The following SOBP variants were observed in gnomAD, a reference collection of about 807,000 sequenced individuals.
The protein encoded by SOBP is sine oculis binding protein homolog.
SOBP carries 4 observed loss-of-function variants against 53.6 expected under a neutral mutation model. The observed-to-expected ratio is 0.07, with a 90% CI of 0.04 to 0.17. SOBP has a LOEUF of 0.17. Ranked by LOEUF, SOBP falls within the 10% of genes least tolerant of loss-of-function variation. The pLI is 1.00. For missense variants in SOBP, 1,088 were observed against 1,204.7 expected (o/e 0.90, Z 1.43); for synonymous variants, 584 against 522.6 (o/e 1.12, Z -1.60).
chr6:107,656,019 A>G lies in SOBP; in HGVS notation c.*4-2188A>G, dbSNP rs555970831. 2.0e-5 allele frequency among the ~76,000 whole-genome samples: 3 copies of G among 152,316 alleles called. No individual in the cohort carries two copies. The South Asian group carries it at 6.2e-4, about 32-fold the overall frequency. ...TCTCCCTCCTCCCTTTTAAAGAAAG[A>G]AGGAGGCCCCCTCTAACTACAAGAT... On this transcript the variant is annotated intron_variant, in intron 6 of 6. Transcript: ENST00000317357.
At chr6:107,510,651 A>G (rs543198028) in intron 3 of SOBP, 1 of 152,348 alleles carries the variant, frequency 6.6e-6, no homozygotes, top group African/African-American at 2.4e-5. Context: ...ACTTCCATCT[A>G]GTGAATCATT....
chr6:107,641,222 A>G (rs1348565275), intron 6 of SOBP, among the ~76,000 whole-genome samples: 1 of 152,244 alleles, frequency 6.6e-6, no homozygotes, highest in African/African-American at 2.4e-5. Context: ...CTGTGGGCCT[A>G]ATATTGCAGA....
Position 107,633,534 on chromosome 6 carries a change from C to T in SOBP, c.690C>T (p.His230=), listed in dbSNP as rs1770811261. The part of the protein sequence containing the change: ...CELLVCDWCK[H]IRHTKEYLDF... ...TGTAGGTATGTGACTGGTGTAAGCA[C>T]ATAAGACACACAAAAGAATACCTGG... The change falls in exon 6 of 7, where the codon CAC becomes CAT. Residue 230 remains histidine, a synonymous_variant. Transcript: ENST00000317357. 6.2e-7 allele frequency: 1 copy of T among 1,614,150 alleles called. No individual in the cohort carries two copies. Among genetic ancestry groups the T allele is most frequent in the Non-Finnish European group, 8.5e-7 (1 of 1,180,024 alleles).
intron 4 of SOBP, among the ~76,000 whole-genome samples, chr6:107,550,421 C>CCACTTACGCATTTATT (rs1784429537): frequency 6.6e-6 from 1 of 152,190 alleles, no homozygotes; most frequent in African/African-American, 2.4e-5. Context: ...ACACATTTAT[C>CCACTTACGCATTTATT]CACTTACGCA....
intron 4 of SOBP, among the ~76,000 whole-genome samples, chr6:107,577,258 C>T (rs1421381829): frequency 2.0e-5 from 3 of 152,236 alleles, no homozygotes; most frequent in Non-Finnish European, 4.4e-5. Flanking sequence ...TTTGTGCTCC[C>T]ACCAACTTGA....
At chr6:107,544,395 G>C in intron 4 of SOBP, among the ~76,000 whole-genome samples, 1 of 152,188 alleles carries the variant, frequency 6.6e-6, no homozygotes, top group Non-Finnish European at 1.5e-5. Flanking sequence ...ACAAAACCTG[G>C]TCCTTGCTCT....
chr6:107,635,078 C>G lies in SOBP; in HGVS notation c.2234C>G (p.Pro745Arg), dbSNP rs757634793. 8 of 1,442,560 alleles carry G rather than the reference C, an allele frequency of 5.5e-6. No individual in the cohort carries two copies. The highest frequency in any genetic ancestry group is 1.9e-4 in the Middle Eastern group (1 of 5,400). 89.4% of individuals were successfully genotyped at this position (1,442,560 alleles called of 1,614,324 possible). ...AKSAEPPPEQ[P>R]PPPPPPAPPK... ...AGCGCGGAGCCGCCTCCCGAGCAGC[C>G]GCCGCCGCCGCCGCCGCCCGCGCCC... The change falls in exon 6 of 7, where the codon CCG (proline) becomes CGG (arginine). Residue 745 changes from proline to arginine, a missense_variant. Pro to Arg is a moderately radical substitution (Grantham distance 103). This residue lies in a region of SOBP where 665 missense variants were observed against 629.7 expected (regional missense o/e 1.06). Coordinates refer to ENST00000317357, the MANE Select transcript of SOBP (RefSeq NM_018013.4). The surrounding 1 kb of genome is among the most constrained non-coding windows in gnomAD (Gnocchi z 4.5).
intron 4 of SOBP, among the ~76,000 whole-genome samples, chr6:107,548,994 G>A (rs561099904): frequency 2.8e-4 from 43 of 152,154 alleles, no homozygotes; most frequent in Non-Finnish European, 4.3e-4. Context: ...CCGGCCGGGC[G>A]CAGTGGCTCA....
intron 5 of SOBP, among the ~76,000 whole-genome samples, chr6:107,596,225 G>A (rs9486654): frequency 0.089 from 13,509 of 151,832 alleles, 711 homozygotes; most frequent in East Asian, 0.17. Flanking sequence ...TCAGAAATGG[G>A]AGTCATATAT....
intron 1 of SOBP, among the ~76,000 whole-genome samples, chr6:107,494,054 A>G (rs961147979): frequency 2.0e-5 from 3 of 152,234 alleles, no homozygotes; most frequent in Non-Finnish European, 4.4e-5. Context: ...TTGTCTCACT[A>G]TGACCTTTAC....
intron 5 of SOBP, among the ~76,000 whole-genome samples, chr6:107,621,606 C>T (rs757234673): frequency 2.8e-4 from 43 of 152,228 alleles, no homozygotes; most frequent in Admixed American, 6.5e-5. Flanking sequence ...ATTATTCCTT[C>T]TCCCCAGGTT....
intron 5 of SOBP, among the ~76,000 whole-genome samples, chr6:107,599,697 A>C (rs907537318): frequency 2.0e-5 from 3 of 151,716 alleles, no homozygotes; most frequent in African/African-American, 7.3e-5. Flanking sequence ...ACCATTTAAA[A>C]TCCTGACTTT....
chr6:107,499,391 G>A (rs1385193796), intron 1 of SOBP, among the ~76,000 whole-genome samples: 2 of 152,174 alleles, frequency 1.3e-5, no homozygotes, highest in Non-Finnish European at 2.9e-5. Context: ...AGAATTAAAA[G>A]ATATAGAAAC....
chr6:107,639,234 A>C (rs1771201821), intron 6 of SOBP, among the ~76,000 whole-genome samples: 2 of 152,254 alleles, frequency 1.3e-5, no homozygotes, highest in Admixed American at 6.5e-5. Flanking sequence ...CATTTAAAAT[A>C]GATCAAAAGC....
In SOBP at chr6:107,498,284, G is replaced by T. The variant is rs576218319; in HGVS notation, c.97-5373G>T. Among the ~76,000 whole-genome samples, 4 of 152,280 alleles carry T rather than the reference G, an allele frequency of 2.6e-5. No individual in the cohort carries two copies. The South Asian group carries it at 8.3e-4, about 32-fold the overall frequency. ...CTTGCCCCTCATTGGGTGAGTGATT[G>T]GGGGCTCTTTGAATACTTCCTGCTG... On this transcript the variant is annotated intron_variant, in intron 1 of 6. Coordinates refer to ENST00000317357, the MANE Select transcript of SOBP (RefSeq NM_018013.4).
At chr6:107,552,087 G>C (rs1036693336) in intron 4 of SOBP, among the ~76,000 whole-genome samples, 1 of 152,156 alleles carries the variant, frequency 6.6e-6, no homozygotes, top group African/African-American at 2.4e-5. Context: ...AAAATAGTAG[G>C]TAAATAGGTA....
At chr6:107,570,943 C>G (rs1198011624) in intron 4 of SOBP, among the ~76,000 whole-genome samples, 2 of 152,166 alleles carry the variant, frequency 1.3e-5, no homozygotes, top group South Asian at 2.1e-4. Context: ...TTCGTGAATG[C>G]GAAGGGATTT....
rs147023733 is a variant in SOBP, at chr6:107,661,160, C to A, written c.*2957C>A. Among the ~76,000 whole-genome samples, 2 of 152,308 alleles carry A rather than the reference C, an allele frequency of 1.3e-5. No individual in the cohort carries two copies. The highest frequency in any genetic ancestry group is 3.9e-4 in the East Asian group (2 of 5,178). ...TTGACCCTTCTGGAAACAAAAGGTA[C>A]CTTTGTTCCAGCATAGAAAGATTCT... On this transcript the variant is annotated 3_prime_UTR_variant, in exon 7 of 7. Transcript: ENST00000317357.
intron 5 of SOBP, among the ~76,000 whole-genome samples, chr6:107,606,695 G>A (rs1408976842): frequency 1.3e-5 from 2 of 152,192 alleles, no homozygotes; most frequent in African/African-American, 4.8e-5. Flanking sequence ...GTCTGGGTGG[G>A]GGATAGGGCG....
Sources: gnomAD v4.1 joint callset for allele counts (sites outside exome capture counted in the v4.1 genomes callset) on GRCh38, gnomAD v4.1.1 for gene constraint, gnomAD v4.1.1 regional missense constraint, Gnocchi (gnomAD v3.1) non-coding constraint, MANE v1.5 for transcripts, NCBI Gene and HGNC (gene_info 2026-07-23, HGNC 2026-07-21) for gene names.